MTERF2: variants seen among roughly 807,000 people sequenced by gnomAD.
The protein encoded by MTERF2 is mitochondrial transcription termination factor 2, also known as transcription termination factor 2, mitochondrial.
A neutral mutation model predicts 29.2 loss-of-function variants in MTERF2; 23 were observed. The ratio of observed to expected loss-of-function variants is 0.79; its 90% confidence interval spans 0.57 to 1.12. The LOEUF (loss-of-function observed/expected upper bound fraction) is 1.12, where lower values mean the gene tolerates loss of function less well. Among genes scored for constraint, MTERF2 ranks in the 50% most tolerant of loss-of-function variants. The probability of loss-of-function intolerance (pLI) is 0.00; values close to 1 mark genes in which losing one functional copy is unlikely to be tolerated. For synonymous variants in MTERF2, 157 were observed against 159.5 expected, an observed-to-expected ratio of 0.98 and a Z score of 0.12; for missense variants, 440 against 429.4, an observed-to-expected ratio of 1.02 and a Z score of -0.22.
At chr12:106,983,654 A>C (rs1314738417) in intron 2 of MTERF2, among the ~76,000 whole-genome samples, 1 of 152,180 alleles carries the variant, frequency 6.6e-6, no homozygotes, top group Non-Finnish European at 1.5e-5. Context: ...TCTGGGTGTG[A>C]GCTGAGAATC....
intron 2 of MTERF2, among the ~76,000 whole-genome samples, chr12:106,979,898 TTTTAAC>T (rs1460195187): frequency 1.3e-5 from 2 of 152,144 alleles, no homozygotes; most frequent in African/African-American, 4.8e-5. Flanking sequence ...AAACTTTTTT[TTTTAAC>T]TTTATTTATT....
chr12:106,978,265 C>T lies in MTERF2; in HGVS notation c.450G>A (p.Lys150=). 1.9e-6 allele frequency: 3 copies of T among 1,614,048 alleles called. No individual in the cohort carries two copies. The East Asian group carries it at 6.7e-5, about 36-fold the overall frequency. ...FFTIKDQENQ[K]LNVQFFQELG... Reference sequence around the variant, plus strand: ...ACTCTTGAAAGAACTGAACATTCAGCTTCTGGTTCTCTTGGTCTTTAATAG... The same window carrying T: ...ACTCTTGAAAGAACTGAACATTCAGTTTCTGGTTCTCTTGGTCTTTAATAG... The change falls in exon 3 of 3, where the codon AAG becomes AAA. Residue 150 remains lysine, a synonymous_variant. Coordinates refer to ENST00000240050, the MANE Select transcript of MTERF2 (RefSeq NM_001033050.3).
In MTERF2 at chr12:106,977,724, G is replaced by A; in HGVS notation, c.991C>T (p.Gln331Ter). Residue 331 changes from glutamine (Q) to a stop codon, truncating the protein, a stop_gained, in exon 3 of 3, where the codon CAG becomes TAG. Transcript: ENST00000240050. LOFTEE classifies it high-confidence loss of function. ...GAATTCAGTTTCCTTATCCTGTACT[G>A]TACTATCTGTGGTGTTAATTCAAGA... Reference protein sequence around the residue: ...MVLELTPQIVQYRIRKLNSSG... With the variant: ...MVLELTPQIV 1.2e-6 allele frequency: 2 copies of A among 1,613,866 alleles called. No homozygotes were observed. The highest frequency in any genetic ancestry group is 1.7e-6 in the Non-Finnish European group (2 of 1,179,960).
Position 106,978,479 on chromosome 12 carries a change from T to G in MTERF2, c.236A>C (p.Glu79Ala), listed in dbSNP as rs1952016186. 1.2e-6 allele frequency: 2 copies of G among 1,614,130 alleles called. No homozygotes were observed. The highest frequency in any genetic ancestry group is 1.7e-6 in the Non-Finnish European group (2 of 1,180,046). ...TAGTTCTTGTAAAATATTCGCAATT[T>G]CTTCAACATAGGTTTCATCCTCTAA... is the stretch of plus-strand genomic sequence containing the variant. The part of the protein sequence containing the change: ...VLLEDETYVE[E>A]IANILQELGA... The change falls in exon 3 of 3, where the codon GAA becomes GCA. Residue 79 changes from glutamate to alanine, a missense_variant. Coordinates refer to ENST00000240050, the MANE Select transcript of MTERF2 (RefSeq NM_001033050.3).
At chr12:106,986,694 C>T (rs1952121877) in intron 1 of MTERF2, 1 of 152,222 alleles carries the variant, frequency 6.6e-6, no homozygotes, top group Admixed American at 6.5e-5. Context: ...CTCTACACCA[C>T]CACTGGTTTC....
chr12:106,985,009 C>T lies in MTERF2; in HGVS notation c.-58+106G>A, dbSNP rs145816160. 1.1e-4 allele frequency: 17 copies of T among 152,394 alleles called. No homozygotes were observed. In the East Asian group the frequency reaches 2.1e-3, roughly 19 times the overall value. The allele number at this position is 152,394 out of a possible 1,614,324, so 9.4% of individuals were successfully genotyped here. On this transcript the variant is annotated intron_variant, in intron 2 of 2. Coordinates refer to ENST00000240050, the MANE Select transcript of MTERF2 (RefSeq NM_001033050.3). ...TCTCTCATTTGACTTCCTGGACACT[C>T]GACTTTTTTTGATTCTTCTCCCTTT...
chr12:106,983,611 T>G (rs558025500), intron 2 of MTERF2, among the ~76,000 whole-genome samples: 5 of 152,198 alleles, frequency 3.3e-5, no homozygotes, highest in Non-Finnish European at 7.3e-5. Context: ...TGTTTGAACT[T>G]TAAAACTTAG....
chr12:106,981,062 G>A (rs753292635), intron 2 of MTERF2, among the ~76,000 whole-genome samples: 21 of 152,290 alleles, frequency 1.4e-4, no homozygotes, highest in South Asian at 6.2e-4. Flanking sequence ...AGGAGGCGGC[G>A]CAGCATGATG....
Position 106,978,768 on chromosome 12 carries a change from C to A in MTERF2, c.-54G>T. ...GTCCTGGGACTTAAATGGACTCATT[C>A]TATCTGAAAAAAAGAAAATAAAGGT... On this transcript the variant is annotated 5_prime_UTR_variant, in exon 3 of 3. The change creates a premature stop within an existing upstream ORF in the 5' untranslated region. Transcript: ENST00000240050. 1 of 1,506,512 alleles carries A rather than the reference C, an allele frequency of 6.6e-7. No individual in the cohort carries two copies. The highest frequency in any genetic ancestry group is 1.3e-5 in the South Asian group (1 of 77,394). The allele number at this position is 1,506,512 out of a possible 1,614,324, so 93.3% of individuals were successfully genotyped here.
At chr12:106,979,201 G>A (rs955138252) in intron 2 of MTERF2, among the ~76,000 whole-genome samples, 2 of 151,998 alleles carry the variant, frequency 1.3e-5, no homozygotes, top group African/African-American at 4.8e-5. Context: ...TTCCACAACT[G>A]TTTATCTTTT....
intron 1 of MTERF2, chr12:106,986,325 G>A (rs1439414719): frequency 6.6e-6 from 1 of 152,094 alleles, no homozygotes; most frequent in Non-Finnish European, 1.5e-5. Context: ...AAGATCAAAC[G>A]AGTTAATACC....
intron 2 of MTERF2, among the ~76,000 whole-genome samples, chr12:106,983,906 T>TCACTCTTCCACACTTCCCACCAACTA (rs1952080564): frequency 6.6e-6 from 1 of 152,150 alleles, no homozygotes; most frequent in African/African-American, 2.4e-5. Context: ...TCTGGTTGAC[T>TCACTCTTCCACACTTCCCACCAACTA]CACTCTTCCA....
At chr12:106,981,510 T>G (rs1040614277) in intron 2 of MTERF2, among the ~76,000 whole-genome samples, 3 of 147,774 alleles carry the variant, frequency 2.0e-5, no homozygotes, top group Non-Finnish European at 4.4e-5. Context: ...AAAAAGTTTA[T>G]GTATGTATGT....
intron 1 of MTERF2, chr12:106,985,589 C>T (rs993520218): frequency 2.6e-5 from 4 of 152,260 alleles, no homozygotes; most frequent in African/African-American, 9.6e-5. Flanking sequence ...CAGCTGTTCA[C>T]GTGTTGTTTC....
intron 2 of MTERF2, among the ~76,000 whole-genome samples, chr12:106,982,361 C>T (rs1449882589): frequency 2.0e-5 from 3 of 152,176 alleles, no homozygotes; most frequent in African/African-American, 7.2e-5. Flanking sequence ...CTTATGCAGA[C>T]ACCACACAGA....
Position 106,978,597 on chromosome 12 carries a change from G to A in MTERF2, c.118C>T (p.Gln40Ter). 6.2e-7 allele frequency: 1 copy of A among 1,614,136 alleles called. No homozygotes were observed. The highest frequency in any genetic ancestry group is 8.5e-7 in the Non-Finnish European group (1 of 1,180,020). ...GTTCTTGTATTTTCTTTGCTCGACT[G>A]TTTATCAGTTGTATAGGTGAAGCAT... ...LACFTYTTDK[Q>*]SSKENTRTVE... Residue 40 changes from glutamine to a stop codon, truncating the protein, a stop_gained, in exon 3 of 3, where the codon CAG becomes TAG. Coordinates refer to ENST00000240050, the MANE Select transcript of MTERF2 (RefSeq NM_001033050.3). LOFTEE classifies it high-confidence loss of function.
At chr12:106,984,598 TTG>T (rs2136802072) in intron 2 of MTERF2, among the ~76,000 whole-genome samples, 1 of 152,228 alleles carries the variant, frequency 6.6e-6, no homozygotes, top group South Asian at 2.1e-4. Context: ...CATAATTCCC[TTG>T]TGTTGTGGGA....
rs1432745796 is a variant in MTERF2, at chr12:106,978,346, G to A, written c.369C>T (p.Cys123=). 6.2e-7 allele frequency: 1 copy of A among 1,613,836 alleles called. No homozygotes were observed. The highest frequency in any genetic ancestry group is 2.2e-5 in the East Asian group (1 of 44,884). ...NTQRKLWQLV[C]KNEEELIKLI... Reference sequence around the variant, plus strand: ...ACTTGATTAACTCTTCCTCATTTTTGCAGACCAACTGCCAGAGTTTTCTCT... The same window carrying A: ...ACTTGATTAACTCTTCCTCATTTTTACAGACCAACTGCCAGAGTTTTCTCT... The change falls in exon 3 of 3, where the codon TGC becomes TGT. Residue 123 remains cysteine (C), a synonymous_variant. Transcript: ENST00000240050.
At position 106,978,681 on chromosome 12, in the gene MTERF2, A is replaced by C. The variant is rs749350425; in HGVS notation, c.34T>G (p.Cys12Gly). 1.2e-6 allele frequency: 2 copies of C among 1,614,068 alleles called. No homozygotes were observed. The highest frequency in any genetic ancestry group is 1.7e-6 in the Non-Finnish European group (2 of 1,179,982). The change falls in exon 3 of 3, where the codon TGC (cysteine) becomes GGC (glycine). Residue 12 changes from cysteine (C) to glycine (G), a missense_variant. Transcript: ENST00000240050. ...LWKLLLRSQS[C>G]RLCSFRKMRS... is the part of the protein sequence containing the mutation. ...ATCTTTCTGAAAGAACACAGCCTGC[A>C]GGACTGGGATCTCAGCAGCAGCTTC...
Sources: gnomAD v4.1 joint callset for allele counts (sites outside exome capture counted in the v4.1 genomes callset) on GRCh38, gnomAD v4.1.1 for gene constraint, MANE v1.5 for transcripts, NCBI Gene and HGNC (gene_info 2026-07-23, HGNC 2026-07-21) for gene names.